Variants in SMIM8 observed in about 807,000 individuals in gnomAD.
The protein encoded by SMIM8 is small integral membrane protein 8.
A neutral mutation model predicts 8.1 loss-of-function variants in SMIM8; 8 were observed. That is an observed-to-expected ratio of 0.99 (90% CI 0.58 to 1.78). The LOEUF (loss-of-function observed/expected upper bound fraction) is 1.78. Among genes scored for constraint, SMIM8 ranks in the 40% most tolerant of loss-of-function variants. SMIM8 has a pLI of 0.00. For synonymous variants in SMIM8, 45 were observed against 39.7 expected (o/e 1.13, Z -0.50); for missense variants, 126 against 119.8 (o/e 1.05, Z -0.24).
chr6:87,332,320 C>CATATATATATATATATAT (rs1209129014), intron 2 of SMIM8, among the ~76,000 whole-genome samples: 4 of 93,108 alleles, frequency 4.3e-5, no homozygotes, highest in Admixed American at 9.1e-5. Flanking sequence ...CCTCCCCCCC[C>CATATATATATATATATAT]ATATATGTAT....
chr6:87,337,309 C>T lies in SMIM8; in HGVS notation c.135+143C>T, dbSNP rs1200028967. 6 of 819,978 alleles carry T rather than the reference C, an allele frequency of 7.3e-6. No homozygotes were observed. The East Asian group carries it at 8.4e-5, about 11-fold the overall frequency. The allele number at this position is 819,978 out of a possible 1,614,324, so 50.8% of individuals were successfully genotyped here. A position where few individuals can be genotyped will look rare whatever the true frequency, so the allele number is the denominator to read the frequency against. On this transcript the variant is annotated intron_variant, in intron 3 of 3. Coordinates refer to ENST00000392863, the MANE Select transcript of SMIM8 (RefSeq NM_001042493.3). ...CTGTGAATAAAAGCAGGTGGAAGGACGATTGTAAATGCTGTTTCACATATA... is the reference window on the plus strand; with the variant it reads ...CTGTGAATAAAAGCAGGTGGAAGGATGATTGTAAATGCTGTTTCACATATA...
Position 87,341,181 on chromosome 6 carries a change from T to G in SMIM8, c.*907T>G. ...TCCTTATTGTACCTTTTTTTTCTTT[T>G]GAAGTTTATATGCCAGCAGGCCTTT... On this transcript the variant is annotated 3_prime_UTR_variant, in exon 4 of 4. Transcript: ENST00000392863. 1 of 397,958 alleles carries G rather than the reference T, an allele frequency of 2.5e-6. No individual in the cohort carries two copies. 24.7% of individuals were successfully genotyped at this position (397,958 alleles called of 1,614,324 possible). A position where few individuals can be genotyped will look rare whatever the true frequency, so the allele number is the denominator to read the frequency against.
At chr6:87,325,483 T>C (rs920217970) in intron 1 of SMIM8, among the ~76,000 whole-genome samples, 23 of 95,578 alleles carry the variant, frequency 2.4e-4, no homozygotes, top group Non-Finnish European at 5.0e-4. Context: ...TGAAGGGTTA[T>C]TGAATTTTGT....
chr6:87,331,770 ATTG>A (rs1424135931), intron 2 of SMIM8, among the ~76,000 whole-genome samples: 3 of 152,126 alleles, frequency 2.0e-5, no homozygotes, highest in African/African-American at 4.8e-5. Flanking sequence ...TTTTGGGAGA[ATTG>A]TTGTATCATC....
chr6:87,334,655 A>G (rs1777066246), intron 2 of SMIM8, among the ~76,000 whole-genome samples: 1 of 152,242 alleles, frequency 6.6e-6, no homozygotes, highest in Non-Finnish European at 1.5e-5. Flanking sequence ...ACCTTATCAT[A>G]TGCTTCATGC....
At position 87,341,679 on chromosome 6, in the gene SMIM8, T is replaced by C. The variant is rs1292163999; in HGVS notation, c.*1405T>C. The C allele has an allele frequency of 5.9e-6, 1 of 168,746 alleles. No homozygotes were observed. The highest frequency in any genetic ancestry group is 1.3e-5 in the Non-Finnish European group (1 of 79,410). 10.5% of individuals were successfully genotyped at this position (168,746 alleles called of 1,614,324 possible). ...TGTAAGGTACATGAAAATGTAATTATGTGTGATTTGTAGGTATTAAAGAAC... is the reference window on the plus strand; with the variant it reads ...TGTAAGGTACATGAAAATGTAATTACGTGTGATTTGTAGGTATTAAAGAAC... On this transcript the variant is annotated 3_prime_UTR_variant, in exon 4 of 4. Transcript: ENST00000392863.
At position 87,341,801 on chromosome 6, in the gene SMIM8, G is replaced by C. The variant is rs964980155; in HGVS notation, c.*1527G>C. ...CTGTCTGTATAATGTACTTCATATA[G>C]TTTAAAATGCACTTCAGTGATACAA... is the stretch of plus-strand genomic sequence containing the variant. On this transcript the variant is annotated 3_prime_UTR_variant, in exon 4 of 4. Transcript: ENST00000392863. The C allele has an allele frequency of 2.6e-5, 4 of 152,292 alleles. No homozygotes were observed. The highest frequency in any genetic ancestry group is 9.7e-5 in the African/African-American group (4 of 41,446). The allele number at this position is 152,292 out of a possible 1,614,324, so 9.4% of individuals were successfully genotyped here. A position where few individuals can be genotyped will look rare whatever the true frequency, so the allele number is the denominator to read the frequency against.
In SMIM8 at chr6:87,335,845, C is replaced by CAAA. The variant is rs35840147; in HGVS notation, c.-23-1141_-23-1139dup. ...CAACATGGCGAGACCCCGTCCCTAC[C>CAAA]AAAAAAAAAAAAAAAAAAAAAAAAA... is the stretch of plus-strand genomic sequence containing the variant. On this transcript the variant is annotated intron_variant, in intron 2 of 3. Coordinates refer to ENST00000392863, the MANE Select transcript of SMIM8 (RefSeq NM_001042493.3). Among the ~76,000 whole-genome samples, 502 of 55,938 alleles carry CAAA rather than the reference C, an allele frequency of 9.0e-3. 7 individuals carry two copies. The highest frequency in any genetic ancestry group is 0.012 in the Non-Finnish European group (373 of 30,872). 36.7% of individuals were successfully genotyped at this position (55,938 alleles called of 152,430 possible). A position where few individuals can be genotyped will look rare whatever the true frequency, so the allele number is the denominator to read the frequency against.
rs898996055 is a variant in SMIM8, at chr6:87,340,147, C to T, written c.167C>T (p.Thr56Ile). The change falls in exon 4 of 4, where the codon ACT becomes ATT. Residue 56 changes from threonine to isoleucine, a missense_variant. Coordinates refer to ENST00000392863, the MANE Select transcript of SMIM8 (RefSeq NM_001042493.3). The part of the protein sequence containing the change: ...NKPVMAFGLV[T>I]LSLCVAYIGY... ...CCTGTAATGGCTTTCGGATTGGTAA[C>T]TCTTTCACTTTGCGTGGCATATATT... The T allele has an allele frequency of 1.9e-6, 3 of 1,599,702 alleles. No homozygotes were observed. The highest frequency in any genetic ancestry group is 2.6e-6 in the Non-Finnish European group (3 of 1,175,190).
At chr6:87,339,202 T>TATC (rs1273661223) in intron 3 of SMIM8, among the ~76,000 whole-genome samples, 1 of 152,128 alleles carries the variant, frequency 6.6e-6, no homozygotes, top group Non-Finnish European at 1.5e-5. Flanking sequence ...CTTGGGAGGC[T>TATC]GAGGCAGGAA....
chr6:87,324,864 A>G (rs1358190223), intron 1 of SMIM8, among the ~76,000 whole-genome samples: 1 of 152,204 alleles, frequency 6.6e-6, no homozygotes, highest in Admixed American at 6.5e-5. Context: ...CTTGGGCAGT[A>G]TGGCCATTTT....
intron 1 of SMIM8, among the ~76,000 whole-genome samples, chr6:87,328,222 A>T (rs1373501048): frequency 2.0e-5 from 3 of 152,192 alleles, no homozygotes; most frequent in African/African-American, 7.2e-5. Context: ...AGCTCGGAAT[A>T]ATTTGATCGT....
chr6:87,327,026 CTTCT>C (rs1403109708), intron 1 of SMIM8, among the ~76,000 whole-genome samples: 3 of 138,980 alleles, frequency 2.2e-5, no homozygotes, highest in Non-Finnish European at 1.5e-5. Flanking sequence ...ATGTAATGGC[CTTCT>C]TTGTGTCTTT....
chr6:87,331,687 A>C (rs1246087813), intron 2 of SMIM8, among the ~76,000 whole-genome samples: 1 of 152,022 alleles, frequency 6.6e-6, no homozygotes, highest in African/African-American at 2.4e-5. Context: ...AGTAATCTGA[A>C]TTTTTTTTAA....
Position 87,342,251 on chromosome 6 carries a change from A to T in SMIM8, c.*1977A>T, listed in dbSNP as rs1161036657. The T allele has an allele frequency of 6.6e-6, 1 of 152,236 alleles. No homozygotes were observed. The highest frequency in any genetic ancestry group is 1.5e-5 in the Non-Finnish European group (1 of 68,046). 9.4% of individuals were successfully genotyped at this position (152,236 alleles called of 1,614,324 possible). A position where few individuals can be genotyped will look rare whatever the true frequency, so the allele number is the denominator to read the frequency against. On this transcript the variant is annotated 3_prime_UTR_variant, in exon 4 of 4. Transcript: ENST00000392863. ...GCTGAGTGTCAACAGCTGCCTGCCTATGTGTTGATGTTTTCATCCTTTCTT... is the reference window on the plus strand; with the variant it reads ...GCTGAGTGTCAACAGCTGCCTGCCTTTGTGTTGATGTTTTCATCCTTTCTT...
In SMIM8 at chr6:87,323,632, A is replaced by C. The variant is rs559247129; in HGVS notation, c.-45+1000A>C. 6.9e-3 allele frequency among the ~76,000 whole-genome samples: 1,052 copies of C among 152,128 alleles called. 4 individuals are homozygous for C. The highest frequency in any genetic ancestry group is 0.01 in the Non-Finnish European group (684 of 67,982). On this transcript the variant is annotated intron_variant, in intron 1 of 3. Coordinates refer to ENST00000392863, the MANE Select transcript of SMIM8 (RefSeq NM_001042493.3). ...TCATTTTTTATGGCTGCATAGTATT[A>C]CATGGTGTATATGTGCCACATTTTC...
At chr6:87,328,511 G>A (rs1294924967) in intron 1 of SMIM8, among the ~76,000 whole-genome samples, 25 of 151,714 alleles carry the variant, frequency 1.6e-4, no homozygotes, top group African/African-American at 7.3e-5. Flanking sequence ...GTACCCGGCC[G>A]TGTGAGGTAT....
intron 1 of SMIM8, among the ~76,000 whole-genome samples, chr6:87,326,513 G>T (rs371969131): frequency 1.1e-4 from 17 of 151,696 alleles, no homozygotes; most frequent in African/African-American, 2.4e-4. Flanking sequence ...TCTGCCTTCA[G>T]TTCGTTATGT....
At chr6:87,339,413 C>CGTGT (rs554628565) in intron 3 of SMIM8, among the ~76,000 whole-genome samples, 7 of 88,454 alleles carry the variant, frequency 7.9e-5, no homozygotes, top group Admixed American at 2.2e-4. Flanking sequence ...CAAAACACAG[C>CGTGT]GTGTGTGTGT....
Sources: gnomAD v4.1 joint callset for allele counts (sites outside exome capture counted in the v4.1 genomes callset) on GRCh38, gnomAD v4.1.1 for gene constraint, MANE v1.5 for transcripts, NCBI Gene and HGNC (gene_info 2026-07-23, HGNC 2026-07-21) for gene names.